NNMT: variants seen among roughly 807,000 people sequenced by gnomAD.
NNMT encodes the protein nicotinamide N-methyltransferase.
NNMT carries 10 observed loss-of-function variants against 11.7 expected under a neutral mutation model. That is an observed-to-expected ratio of 0.85 (90% CI 0.53 to 1.45). The LOEUF (loss-of-function observed/expected upper bound fraction) is 1.45, where lower values mean the gene tolerates loss of function less well. Among genes scored for constraint, NNMT ranks in the 40% most tolerant of loss-of-function variants. The pLI is 0.00. For missense variants in NNMT, 381 were observed against 319.4 expected (o/e 1.19, Z -1.47); for synonymous variants, 143 against 133.8 (o/e 1.07, Z -0.48).
rs116461684 is a variant in NNMT, at chr11:114,272,786, A to C, written c.-130+9852A>C. On this transcript the variant is annotated intron_variant, in intron 2 of 4. Transcript: ENST00000535401. Reference sequence around the variant, plus strand: ...GGTACTAGCCAGGTTAGACCATTGAAATCAAATAACGGGTATCTTTTCATG... The same window carrying C: ...GGTACTAGCCAGGTTAGACCATTGACATCAAATAACGGGTATCTTTTCATG... Among the ~76,000 whole-genome samples the C allele has an allele frequency of 3.0e-3, 460 of 152,346 alleles. 2 individuals carry two copies. Among genetic ancestry groups the C allele is most frequent in the African/African-American group, 0.01 (419 of 41,574 alleles).
At chr11:114,272,760 T>G (rs1479450206) in intron 2 of NNMT, among the ~76,000 whole-genome samples, 1 of 152,182 alleles carries the variant, frequency 6.6e-6, no homozygotes, top group Non-Finnish European at 1.5e-5. Flanking sequence ...AGGGAAACAA[T>G]GGTACTAGCC....
chr11:114,275,631 G>A (rs1945207925), intron 2 of NNMT, among the ~76,000 whole-genome samples: 1 of 152,186 alleles, frequency 6.6e-6, no homozygotes. Context: ...GTGAGTGTGT[G>A]TATGGCTTGG....
chr11:114,303,878 T>C (rs1028872889), intron 2 of NNMT, among the ~76,000 whole-genome samples: 1 of 152,300 alleles, frequency 6.6e-6, no homozygotes, highest in East Asian at 1.9e-4. Context: ...AGCTGGCTAA[T>C]TTTTTGTAGA....
intron 2 of NNMT, among the ~76,000 whole-genome samples, chr11:114,299,624 T>A (rs2135273597): frequency 6.6e-6 from 1 of 152,336 alleles, no homozygotes; most frequent in African/African-American, 2.4e-5. Context: ...TTGATAGCAT[T>A]TACCAGCGAA....
chr11:114,294,165 T>C (rs2135267516), upstream of NNMT, among the ~76,000 whole-genome samples: 1 of 152,116 alleles, frequency 6.6e-6, no homozygotes, highest in Non-Finnish European at 1.5e-5. Flanking sequence ...GTAGGGGGGA[T>C]GTGGGGATCA....
At chr11:114,290,303 C>T (rs540469624) in intron 2 of NNMT, among the ~76,000 whole-genome samples, 16 of 152,260 alleles carry the variant, frequency 1.1e-4, no homozygotes, top group Admixed American at 3.3e-4. Context: ...TCTTATTTTA[C>T]GCTTTGTATT....
chr11:114,285,564 G>A (rs981895714), intron 2 of NNMT, among the ~76,000 whole-genome samples: 5 of 152,188 alleles, frequency 3.3e-5, no homozygotes, highest in Non-Finnish European at 5.9e-5. Context: ...AATTTGATGG[G>A]TTATAGTTTT....
At chr11:114,269,913 T>C (rs1945156794) in intron 2 of NNMT, among the ~76,000 whole-genome samples, 1 of 152,152 alleles carries the variant, frequency 6.6e-6, no homozygotes, top group Non-Finnish European at 1.5e-5. Context: ...GTTATTAATA[T>C]AATTAATTAA....
At chr11:114,300,906 C>T (rs991607895) in intron 2 of NNMT, among the ~76,000 whole-genome samples, 2 of 152,160 alleles carry the variant, frequency 1.3e-5, no homozygotes, top group African/African-American at 2.4e-5. Flanking sequence ...CCCCAATAAT[C>T]CTTGTGTCAG....
rs774889778 is a variant in NNMT, at chr11:114,296,652, T to C, written c.96T>C (p.Ser32=). ...EKYYKFGSRH[S]AESQILKHLL... ...ATTACAAGTTTGGTTCTAGGCACTC[T>C]GCAGAAAGCCAGATTCTTAAGCACC... Residue 32 remains serine, a synonymous_variant, in exon 1 of 3, where the codon TCT becomes TCC. Transcript: ENST00000299964. 1.2e-6 allele frequency: 2 copies of C among 1,614,220 alleles called. No individual in the cohort carries two copies. Among genetic ancestry groups the C allele is most frequent in the Non-Finnish European group, 8.5e-7 (1 of 1,180,028 alleles).
At chr11:114,310,567 G>C (rs1194726109) in intron 2 of NNMT, among the ~76,000 whole-genome samples, 1 of 152,254 alleles carries the variant, frequency 6.6e-6, no homozygotes, top group Non-Finnish European at 1.5e-5. Flanking sequence ...TGGTCCCAGT[G>C]AAAGTCTCCC....
At chr11:114,275,976 G>T (rs1413054008) in intron 2 of NNMT, among the ~76,000 whole-genome samples, 4 of 152,154 alleles carry the variant, frequency 2.6e-5, no homozygotes. Flanking sequence ...AGAGAAGTGG[G>T]CTGAAAAGGA....
upstream of NNMT, chr11:114,295,692 G>C (rs1277650976): frequency 2.6e-5 from 4 of 152,274 alleles, no homozygotes; most frequent in African/African-American, 9.7e-5. Context: ...GCCTCCCAAA[G>C]TGCTGGGATT....
At chr11:114,283,177 C>T (rs77021468) in intron 2 of NNMT, among the ~76,000 whole-genome samples, 5,427 of 152,112 alleles carry the variant, frequency 0.036, 141 homozygotes, top group Admixed American at 0.078. Flanking sequence ...TGGGAATGCC[C>T]CCCATAGGAA....
chr11:114,312,258 C>T lies in NNMT; in HGVS notation c.576C>T (p.Phe192=). Residue 192 remains phenylalanine, a synonymous_variant, in exon 3 of 3, where the codon TTC becomes TTT. Transcript: ENST00000299964. ...NLGSLLKPGG[F]LVIMDALKSS... Reference sequence around the variant, plus strand: ...GCAGCCTACTGAAGCCAGGGGGCTTCCTGGTGATCATGGATGCGCTCAAGA... The same window carrying T: ...GCAGCCTACTGAAGCCAGGGGGCTTTCTGGTGATCATGGATGCGCTCAAGA... 6.2e-7 allele frequency: 1 copy of T among 1,614,208 alleles called. No individual in the cohort carries two copies. The highest frequency in any genetic ancestry group is 1.1e-5 in the South Asian group (1 of 91,086).
intron 2 of NNMT, among the ~76,000 whole-genome samples, chr11:114,277,200 G>C (rs900007415): frequency 6.6e-6 from 1 of 152,078 alleles, no homozygotes; most frequent in Admixed American, 6.5e-5. Context: ...TCCAGCCTGG[G>C]CGACATAGCA....
At chr11:114,304,451 T>C (rs908755442) in intron 2 of NNMT, among the ~76,000 whole-genome samples, 1 of 152,246 alleles carries the variant, frequency 6.6e-6, no homozygotes, top group African/African-American at 2.4e-5. Flanking sequence ...GCAGTAAATT[T>C]CTGCATTCTT....
In NNMT at chr11:114,304,928, C is replaced by A. The variant is rs73566529; in HGVS notation, c.362+6770C>A. Among the ~76,000 whole-genome samples the A allele has an allele frequency of 4.9e-3, 747 of 152,330 alleles. 6 individuals are homozygous for A. Among genetic ancestry groups the A allele is most frequent in the African/African-American group, 0.017 (703 of 41,586 alleles). ...AAAGTCAAACACTAAGATACAATTA[C>A]TCAAGCTTATACAATGAACAGAGGA... On this transcript the variant is annotated intron_variant, in intron 2 of 2. Transcript: ENST00000299964.
At chr11:114,271,356 C>T (rs1231817980) in intron 2 of NNMT, among the ~76,000 whole-genome samples, 1 of 152,128 alleles carries the variant, frequency 6.6e-6, no homozygotes, top group Non-Finnish European at 1.5e-5. Context: ...AGTGTCAGCC[C>T]TCGTGTCTGG....
Sources: gnomAD v4.1 joint callset for allele counts (sites outside exome capture counted in the v4.1 genomes callset) on GRCh38, gnomAD v4.1.1 for gene constraint, MANE v1.5 for transcripts, NCBI Gene and HGNC (gene_info 2026-07-23, HGNC 2026-07-21) for gene names.